The following EPM2A variants were observed in gnomAD, a reference collection of about 807,000 sequenced individuals.
The protein encoded by EPM2A is laforin.
A neutral mutation model predicts 26.5 loss-of-function variants in EPM2A; 21 were observed. The ratio of observed to expected loss-of-function variants is 0.79; its 90% CI spans 0.56 to 1.14. The LOEUF (loss-of-function observed/expected upper bound fraction) is 1.14, where lower values mean the gene tolerates loss of function less well. Ranked by LOEUF, EPM2A falls within the 50% of genes most tolerant of loss-of-function variation. The pLI, the probability that EPM2A is intolerant of heterozygous loss-of-function variation, is 0.00. For synonymous variants in EPM2A, 217 were observed against 177.6 expected, an observed-to-expected ratio of 1.22 and a Z score of -1.76; for missense variants, 458 against 440.8, an observed-to-expected ratio of 1.04 and a Z score of -0.35.
chr6:145,562,527 C>T (rs566776492), intron 2 of EPM2A, among the ~76,000 whole-genome samples: 178 of 152,160 alleles, frequency 1.2e-3, no homozygotes, highest in Non-Finnish European at 2.3e-3. Flanking sequence ...CTCAAGTCTG[C>T]AAGAAATAGC....
intron 2 of EPM2A, among the ~76,000 whole-genome samples, chr6:145,678,957 T>A (rs1358825992): frequency 6.6e-6 from 1 of 152,188 alleles, no homozygotes; most frequent in African/African-American, 2.4e-5. Context: ...ACACGTATAT[T>A]TATTGCGGCA....
At chr6:145,713,907 A>C (rs1775472236) in intron 1 of EPM2A, among the ~76,000 whole-genome samples, 1 of 152,254 alleles carries the variant, frequency 6.6e-6, no homozygotes, top group South Asian at 2.1e-4. Context: ...ATAAGGGTTA[A>C]TGAAGAACTG....
chr6:145,610,879 T>C (rs369164259), intron 2 of EPM2A, among the ~76,000 whole-genome samples: 4 of 152,218 alleles, frequency 2.6e-5, no homozygotes, highest in African/African-American at 7.2e-5. Context: ...AATCAACCCA[T>C]CATTTTGTTA....
chr6:145,647,882 G>T (rs1777602279), intron 2 of EPM2A, among the ~76,000 whole-genome samples: 1 of 152,186 alleles, frequency 6.6e-6, no homozygotes, highest in Non-Finnish European at 1.5e-5. Context: ...GGATGTATGT[G>T]TTAAATTATT....
intron 2 of EPM2A, chr6:145,671,190 A>C (rs1446413063): frequency 9.8e-7 from 1 of 1,021,576 alleles, no homozygotes; most frequent in Non-Finnish European, 1.2e-6. Context: ...AAATGCGAGC[A>C]AAGTAAAAAA....
chr6:145,731,902 A>C (rs1007718731), intron 1 of EPM2A, among the ~76,000 whole-genome samples: 21 of 152,184 alleles, frequency 1.4e-4, no homozygotes, highest in African/African-American at 4.3e-4. Flanking sequence ...TTCACATTAG[A>C]ATTATCAGCC....
At chr6:145,469,499 CT>C (rs1236161312) in intron 4 of EPM2A, among the ~76,000 whole-genome samples, 4 of 151,966 alleles carry the variant, frequency 2.6e-5, no homozygotes, top group Non-Finnish European at 5.9e-5. Flanking sequence ...GTTAAAATGG[CT>C]TATATCCAAA....
At chr6:145,540,087 G>A (rs945424936) in intron 2 of EPM2A, among the ~76,000 whole-genome samples, 1 of 152,142 alleles carries the variant, frequency 6.6e-6, no homozygotes, top group Non-Finnish European at 1.5e-5. Flanking sequence ...GACCCCCGCC[G>A]TGTCTGCCTC....
intron 1 of EPM2A, chr6:145,687,048 T>A (rs535558442): frequency 3.3e-5 from 5 of 152,370 alleles, no homozygotes; most frequent in Admixed American, 6.5e-5. Flanking sequence ...TATTTGCCTA[T>A]TTCACGATTG....
intron 2 of EPM2A, among the ~76,000 whole-genome samples, chr6:145,591,504 A>G (rs1374723821): frequency 1.3e-5 from 2 of 152,188 alleles, no homozygotes; most frequent in African/African-American, 4.8e-5. Flanking sequence ...CAAGAATTAC[A>G]GGAAACTCTC....
downstream of EPM2A, among the ~76,000 whole-genome samples, chr6:145,500,077 G>A (rs1289008799): frequency 6.6e-6 from 1 of 152,084 alleles, no homozygotes; most frequent in African/African-American, 2.4e-5. Context: ...ATAGACTTTG[G>A]TATAACAGAC....
At chr6:145,474,324 T>G (rs569000795) in intron 4 of EPM2A, among the ~76,000 whole-genome samples, 104 of 152,050 alleles carry the variant, frequency 6.8e-4, no homozygotes, top group African/African-American at 2.4e-3. Context: ...TAGCCAGGCA[T>G]GGTGGTGGGT....
At chr6:145,390,930 T>C (rs993720633) in intron 4 of EPM2A, among the ~76,000 whole-genome samples, 5 of 152,278 alleles carry the variant, frequency 3.3e-5, no homozygotes, top group East Asian at 3.9e-4. Flanking sequence ...AGTTGCCCAA[T>C]TGAACTTGGT....
At chr6:145,448,538 T>C (rs1779153899) in intron 4 of EPM2A, among the ~76,000 whole-genome samples, 1 of 152,180 alleles carries the variant, frequency 6.6e-6, no homozygotes, top group African/African-American at 2.4e-5. Context: ...AACAAAGAGT[T>C]AATGCAAGGG....
chr6:145,495,362 T>C (rs1009259809), intron 4 of EPM2A, among the ~76,000 whole-genome samples: 1 of 152,124 alleles, frequency 6.6e-6, no homozygotes, highest in East Asian at 1.9e-4. Flanking sequence ...TTCATCCTTT[T>C]ATTTTAAGCC....
chr6:145,443,204 G>A (rs1779088425), intron 4 of EPM2A, among the ~76,000 whole-genome samples: 2 of 152,108 alleles, frequency 1.3e-5, no homozygotes, highest in Admixed American at 6.5e-5. Flanking sequence ...GATTTCTTTG[G>A]CTATTCAGTC....
intron 2 of EPM2A, among the ~76,000 whole-genome samples, chr6:145,509,603 A>C (rs1392299453): frequency 6.6e-6 from 1 of 152,214 alleles, no homozygotes; most frequent in Non-Finnish European, 1.5e-5. Context: ...TAAACATGGA[A>C]ATGAAAGATG....
chr6:145,724,874 T>C (rs990532939), intron 1 of EPM2A, among the ~76,000 whole-genome samples: 3 of 151,984 alleles, frequency 2.0e-5, no homozygotes, highest in African/African-American at 4.8e-5. Context: ...TATATACATA[T>C]GTAAAAACTT....
intron 1 of EPM2A, among the ~76,000 whole-genome samples, chr6:145,712,023 C>G (rs1775358556): frequency 6.6e-6 from 1 of 152,112 alleles, no homozygotes; most frequent in Non-Finnish European, 1.5e-5. Context: ...ATGAATTCTG[C>G]TTAAAACTGA....
Sources: gnomAD v4.1 joint callset for allele counts (sites outside exome capture counted in the v4.1 genomes callset) on GRCh38, gnomAD v4.1.1 for gene constraint, MANE v1.5 for transcripts, NCBI Gene and HGNC (gene_info 2026-07-23, HGNC 2026-07-21) for gene names.